Variants in PPP2R2B observed in about 807,000 individuals in gnomAD.
The protein encoded by PPP2R2B is protein phosphatase 2 regulatory subunit Bbeta.
A neutral mutation model predicts 46.0 loss-of-function variants in PPP2R2B; 5 were observed. That is an observed-to-expected ratio of 0.11 (90% confidence interval 0.06 to 0.23). The LOEUF (loss-of-function observed/expected upper bound fraction) is 0.23, where lower values mean the gene tolerates loss of function less well. Ranked by LOEUF, PPP2R2B falls within the 10% of genes least tolerant of loss-of-function variation. The pLI is 1.00. For missense variants in PPP2R2B, 367 were observed against 575.0 expected, an observed-to-expected ratio of 0.64 and a Z score of 3.70; for synonymous variants, 215 against 206.7, an observed-to-expected ratio of 1.04 and a Z score of -0.34.
intron 2 of PPP2R2B, among the ~76,000 whole-genome samples, chr5:146,814,961 C>T (rs1409039314): frequency 2.0e-5 from 3 of 152,132 alleles, no homozygotes; most frequent in Non-Finnish European, 4.4e-5. Flanking sequence ...TCTGAGGAGG[C>T]AAGAATTGAG....
At position 146,819,065 on chromosome 5, in the gene PPP2R2B, C is replaced by T. The variant is rs553274565; in HGVS notation, c.70+58937G>A. Reference sequence around the variant, plus strand: ...AGTTATGCCTACAAATCAGTGCAGGCTTTCTTCTCGGGCACAAAATCTCCA... The same window carrying T: ...AGTTATGCCTACAAATCAGTGCAGGTTTTCTTCTCGGGCACAAAATCTCCA... On this transcript the variant is annotated intron_variant, in intron 2 of 9. Coordinates refer to ENST00000394411, the MANE Select transcript of PPP2R2B (RefSeq NM_181675.4). Among the ~76,000 whole-genome samples, 4 of 152,298 alleles carry T rather than the reference C, an allele frequency of 2.6e-5. No individual in the cohort carries two copies. The East Asian group carries it at 5.8e-4, about 22-fold the overall frequency.
At chr5:146,825,415 T>G (rs184155966) in intron 2 of PPP2R2B, among the ~76,000 whole-genome samples, 45 of 152,378 alleles carry the variant, frequency 3.0e-4, no homozygotes, top group Non-Finnish European at 7.3e-5. Flanking sequence ...TTGTTTAGGC[T>G]ACCTCAATAA....
At chr5:146,609,807 C>G (rs1240060772) in intron 7 of PPP2R2B, among the ~76,000 whole-genome samples, 1 of 133,214 alleles carries the variant, frequency 7.5e-6, no homozygotes, top group African/African-American at 3.1e-5. Context: ...CGGCGCACCA[C>G]GAGACTATAT....
intron 1 of PPP2R2B, among the ~76,000 whole-genome samples, chr5:146,907,814 T>C (rs1303472164): frequency 6.6e-6 from 1 of 152,242 alleles, no homozygotes; most frequent in Admixed American, 6.5e-5. Context: ...TGTGTGTTTA[T>C]TCTGTCTCCT....
At chr5:146,625,307 TTTA>T (rs1383955059) in intron 7 of PPP2R2B, among the ~76,000 whole-genome samples, 1 of 152,208 alleles carries the variant, frequency 6.6e-6, no homozygotes, top group Non-Finnish European at 1.5e-5. Flanking sequence ...AGGTAGGTAT[TTTA>T]TTATACTGTG....
chr5:146,841,276 C>T (rs1325312414), intron 2 of PPP2R2B, among the ~76,000 whole-genome samples: 30 of 152,210 alleles, frequency 2.0e-4, no homozygotes, highest in Admixed American at 1.8e-3. Context: ...TGGGTCCCAT[C>T]TCATCCAAAA....
At chr5:146,737,303 C>A (rs755877046) in intron 2 of PPP2R2B, among the ~76,000 whole-genome samples, 3 of 152,136 alleles carry the variant, frequency 2.0e-5, no homozygotes, top group African/African-American at 7.2e-5. Context: ...CATGCAAAGA[C>A]CTAGAGTGGG....
At chr5:146,946,423 C>A (rs1407686909) in intron 1 of PPP2R2B, among the ~76,000 whole-genome samples, 2 of 152,058 alleles carry the variant, frequency 1.3e-5, no homozygotes, top group Non-Finnish European at 2.9e-5. Flanking sequence ...AAGTTAGAGT[C>A]TTTCATTGCA....
chr5:146,811,858 T>C (rs1299433977), intron 2 of PPP2R2B, among the ~76,000 whole-genome samples: 2 of 151,850 alleles, frequency 1.3e-5, no homozygotes, highest in South Asian at 2.1e-4. Flanking sequence ...TGAGCCACCG[T>C]GCCCAGCCAG....
intron 1 of PPP2R2B, among the ~76,000 whole-genome samples, chr5:147,015,032 A>G (rs557846988): frequency 6.6e-6 from 1 of 152,166 alleles, no homozygotes; most frequent in African/African-American, 2.4e-5. Context: ...ATTTTGGATA[A>G]GGGATACTTA....
chr5:146,624,330 G>A (rs997996289), intron 7 of PPP2R2B, among the ~76,000 whole-genome samples: 5 of 152,150 alleles, frequency 3.3e-5, no homozygotes, highest in African/African-American at 9.7e-5. Flanking sequence ...TTGTGAACTC[G>A]CTCTATGGCA....
intron 1 of PPP2R2B, among the ~76,000 whole-genome samples, chr5:146,956,300 T>G (rs1343653579): frequency 6.6e-6 from 1 of 152,154 alleles, no homozygotes; most frequent in Non-Finnish European, 1.5e-5. Context: ...TTTAATCTCA[T>G]GAATGGAAAA....
chr5:146,977,507 G>A (rs764225313), intron 1 of PPP2R2B, among the ~76,000 whole-genome samples: 8 of 151,888 alleles, frequency 5.3e-5, no homozygotes, highest in South Asian at 4.1e-4. Flanking sequence ...GTATTTCTCC[G>A]CATGCTATCC....
In PPP2R2B at chr5:147,068,608, C is replaced by A. The variant is rs182530124; in HGVS notation, c.50+12451G>T. On this transcript the variant is annotated intron_variant, in intron 2 of 10. Coordinates refer to the PPP2R2B transcript ENST00000394413. The stretch of plus-strand genomic sequence containing the variant: ...CAATATTTTTAAAAGACATCTTTGG[C>A]ATGCTGTAAGATACTTTTTAGAAAA... Among the ~76,000 whole-genome samples, 100 of 152,260 alleles carry A rather than the reference C, an allele frequency of 6.6e-4. 1 individual carries two copies. Among genetic ancestry groups the A allele is most frequent in the African/African-American group, 2.1e-3 (88 of 41,572 alleles).
intron 2 of PPP2R2B, among the ~76,000 whole-genome samples, chr5:146,754,696 C>G (rs968836711): frequency 2.0e-5 from 3 of 152,172 alleles, no homozygotes; most frequent in African/African-American, 7.2e-5. Flanking sequence ...TTTTACTCTC[C>G]CATCACTCAC....
intron 8 of PPP2R2B, among the ~76,000 whole-genome samples, chr5:146,595,328 G>A (rs1254018449): frequency 6.6e-6 from 1 of 152,204 alleles, no homozygotes; most frequent in Non-Finnish European, 1.5e-5. Context: ...CTGGGCAGTG[G>A]CAAGGTTTTT....
chr5:146,956,519 C>A (rs1434579339), intron 1 of PPP2R2B, among the ~76,000 whole-genome samples: 1 of 152,188 alleles, frequency 6.6e-6, no homozygotes, highest in African/African-American at 2.4e-5. Flanking sequence ...AGGATATTGT[C>A]ATCATGCATA....
intron 2 of PPP2R2B, among the ~76,000 whole-genome samples, chr5:146,711,161 C>A (rs550206263): frequency 1.3e-5 from 2 of 152,332 alleles, no homozygotes; most frequent in African/African-American, 4.8e-5. Flanking sequence ...GTAAACTTCA[C>A]AAGGAACTTG....
intron 8 of PPP2R2B, among the ~76,000 whole-genome samples, chr5:146,599,234 C>T (rs951599034): frequency 5.3e-5 from 8 of 152,222 alleles, no homozygotes; most frequent in East Asian, 1.9e-4. Context: ...ACCATCCACC[C>T]AACACTTAAA....
Sources: gnomAD v4.1 joint callset for allele counts (sites outside exome capture counted in the v4.1 genomes callset) on GRCh38, gnomAD v4.1.1 for gene constraint, MANE v1.5 for transcripts, NCBI Gene and HGNC (gene_info 2026-07-23, HGNC 2026-07-21) for gene names.